Variants in BRAF observed in about 807,000 individuals in gnomAD.
The protein encoded by BRAF is B-Raf proto-oncogene, serine/threonine kinase.
A neutral mutation model predicts 104.6 loss-of-function variants in BRAF; 16 were observed. The ratio of observed to expected loss-of-function variants is 0.15; its 90% confidence interval spans 0.10 to 0.23. The LOEUF (loss-of-function observed/expected upper bound fraction) is 0.23. BRAF is among the 10% of genes least tolerant of loss of function. The pLI is 1.00. For missense variants in BRAF, 541 were observed against 937.3 expected (o/e 0.58, Z 5.52); for synonymous variants, 310 against 341.6 (o/e 0.91, Z 1.02).
intron 12 of BRAF, among the ~76,000 whole-genome samples, chr7:140,779,372 G>A (rs1013959498): frequency 2.0e-5 from 3 of 152,162 alleles, no homozygotes; most frequent in Admixed American, 1.3e-4. Context: ...CAATAGCTGG[G>A]AGTACAGGCA....
rs908140765 is a variant in BRAF, at chr7:140,719,886, G to C, written c.*6608C>G. The stretch of plus-strand genomic sequence containing the variant: ...TGAAGTGTACTAAACCCGAACCTTT[G>C]GCAGTAACAGAAAAGAGGAATGTGT... On this transcript the variant is annotated 3_prime_UTR_variant, in exon 20 of 20. Transcript: ENST00000644969. 30 of 1,062,528 alleles carry C rather than the reference G, an allele frequency of 2.8e-5. No homozygotes were observed. Among genetic ancestry groups the C allele is most frequent in the Non-Finnish European group, 3.2e-5 (28 of 877,522 alleles). The allele number at this position is 1,062,528 out of a possible 1,614,324, so 65.8% of individuals were successfully genotyped here.
chr7:140,883,205 T>C (rs1813149955), intron 1 of BRAF, among the ~76,000 whole-genome samples: 1 of 152,150 alleles, frequency 6.6e-6, no homozygotes, highest in Non-Finnish European at 1.5e-5. Context: ...TTAATGTAGT[T>C]AACATTTTAA....
intron 3 of BRAF, among the ~76,000 whole-genome samples, chr7:140,824,700 A>C (rs757249105): frequency 1.3e-5 from 2 of 152,024 alleles, no homozygotes; most frequent in Non-Finnish European, 2.9e-5. Context: ...TCATTAAATA[A>C]ACTGCCAAAT....
At chr7:140,851,973 G>A (rs1467024739) in intron 1 of BRAF, among the ~76,000 whole-genome samples, 1 of 152,046 alleles carries the variant, frequency 6.6e-6, no homozygotes, top group East Asian at 1.9e-4. Flanking sequence ...AAATGTTAAG[G>A]TCTTTCAATT....
At chr7:140,815,718 G>C (rs1490007411) in intron 3 of BRAF, among the ~76,000 whole-genome samples, 1 of 152,044 alleles carries the variant, frequency 6.6e-6, no homozygotes, top group Non-Finnish European at 1.5e-5. Context: ...TTACAGGTGT[G>C]AGCCACTGCA....
At chr7:140,768,157 A>T (rs1799507285) in intron 14 of BRAF, among the ~76,000 whole-genome samples, 1 of 152,198 alleles carries the variant, frequency 6.6e-6, no homozygotes, top group Non-Finnish European at 1.5e-5. Context: ...TCAAAATATT[A>T]ATGACAGTTA....
chr7:140,885,535 G>A (rs1156366654), intron 1 of BRAF, among the ~76,000 whole-genome samples: 1 of 152,094 alleles, frequency 6.6e-6, no homozygotes, highest in Non-Finnish European at 1.5e-5. Context: ...AAACCTGCAG[G>A]TATTCCTTCA....
At position 140,815,584 on chromosome 7, in the gene BRAF, C is replaced by T. The variant is rs114917346; in HGVS notation, c.505-6589G>A. Among the ~76,000 whole-genome samples the T allele has an allele frequency of 5.5e-3, 833 of 151,812 alleles. 6 individuals carry two copies. Among genetic ancestry groups the T allele is most frequent in the African/African-American group, 0.019 (792 of 41,358 alleles). On this transcript the variant is annotated intron_variant, in intron 3 of 19. Transcript: ENST00000644969. ...GAGCAGCTGGGATTACAGGCATGTG[C>T]CAGCAAGCCCGGCTAATTTTTTTGT...
chr7:140,875,437 G>A (rs568220706), intron 1 of BRAF, among the ~76,000 whole-genome samples: 7 of 152,308 alleles, frequency 4.6e-5, no homozygotes, highest in South Asian at 2.1e-4. Context: ...GTACAATGGC[G>A]TGATCTCAGC....
At chr7:140,768,173 T>G in intron 14 of BRAF, among the ~76,000 whole-genome samples, 1 of 152,242 alleles carries the variant, frequency 6.6e-6, no homozygotes, top group East Asian at 1.9e-4. Flanking sequence ...AGTTATCTCT[T>G]GATGGTGGAT....
At chr7:140,823,772 C>T (rs900554818) in intron 3 of BRAF, 1 of 152,186 alleles carries the variant, frequency 6.6e-6, no homozygotes, top group Non-Finnish European at 1.5e-5. Flanking sequence ...TTTACATTTC[C>T]ACCAACAGTG....
intron 1 of BRAF, among the ~76,000 whole-genome samples, chr7:140,869,311 T>C (rs1422747812): frequency 1.3e-5 from 2 of 152,112 alleles, no homozygotes; most frequent in African/African-American, 2.4e-5. Flanking sequence ...ATTCAGATTC[T>C]ACCATACAAT....
chr7:140,778,536 T>G (rs1294037268), intron 12 of BRAF, among the ~76,000 whole-genome samples: 1 of 152,002 alleles, frequency 6.6e-6, no homozygotes, highest in Admixed American at 6.6e-5. Flanking sequence ...AATTTATGGA[T>G]TACTTATGAT....
At chr7:140,761,413 G>A (rs1798717282) in intron 14 of BRAF, among the ~76,000 whole-genome samples, 3 of 151,986 alleles carry the variant, frequency 2.0e-5, no homozygotes, top group Non-Finnish European at 2.9e-5. Flanking sequence ...AGGAACAAGT[G>A]GTACCAGCCA....
At chr7:140,756,551 A>C (rs576451375) in intron 14 of BRAF, among the ~76,000 whole-genome samples, 22 of 152,192 alleles carry the variant, frequency 1.4e-4, no homozygotes, top group African/African-American at 4.8e-4. Flanking sequence ...CAAAAAAAAA[A>C]CCCAAACAAA....
chr7:140,871,606 A>G (rs896960929), intron 1 of BRAF, among the ~76,000 whole-genome samples: 2 of 152,168 alleles, frequency 1.3e-5, no homozygotes. Context: ...CCTAAAAAAA[A>G]CCAAGAGCAT....
chr7:140,883,024 A>AAATG (rs1201274316), intron 1 of BRAF, among the ~76,000 whole-genome samples: 1 of 150,704 alleles, frequency 6.6e-6, no homozygotes, highest in Non-Finnish European at 1.5e-5. Flanking sequence ...GTAAATAAAT[A>AAATG]AATAAATAAA....
downstream of BRAF, chr7:140,719,280 GACT>G (rs1255892386): frequency 3.7e-6 from 3 of 800,642 alleles, no homozygotes; most frequent in African/African-American, 3.7e-5. Context: ...TAAAACTGCT[GACT>G]ACTTTTGTTA....
intron 1 of BRAF, among the ~76,000 whole-genome samples, chr7:140,890,663 C>G (rs1011788116): frequency 6.6e-6 from 1 of 152,184 alleles, no homozygotes; most frequent in African/African-American, 2.4e-5. Context: ...TTTTAAAAAT[C>G]CAGATACCAA....
Sources: gnomAD v4.1 joint callset for allele counts (sites outside exome capture counted in the v4.1 genomes callset) on GRCh38, gnomAD v4.1.1 for gene constraint, MANE v1.5 for transcripts, NCBI Gene and HGNC (gene_info 2026-07-23, HGNC 2026-07-21) for gene names.